PCDHGB1: variants seen among roughly 807,000 people sequenced by gnomAD.
The protein encoded by PCDHGB1 is protocadherin gamma-B1.
In PCDHGB1, 34 loss-of-function variants were observed where a neutral mutation model predicts 56.6. The ratio of observed to expected loss-of-function variants is 0.60; its 90% CI spans 0.46 to 0.80. The LOEUF is 0.80. Ranked by LOEUF, PCDHGB1 falls within the 30% of genes least tolerant of loss-of-function variation. The pLI is 0.00. For synonymous variants in PCDHGB1, 561 were observed against 505.9 expected (o/e 1.11, Z -1.46); for missense variants, 1,278 against 1,204.6 (o/e 1.06, Z -0.90).
chr5:141,489,040 C>G lies in PCDHGB1; in HGVS notation c.2410-5767C>G. On this transcript the variant is annotated intron_variant, in intron 1 of 3. Coordinates refer to ENST00000523390, the MANE Select transcript of PCDHGB1 (RefSeq NM_018922.3). This position sits in a 1 kb window ranked among gnomAD's most constrained non-coding sequence, Gnocchi z 4.5. ...CCTCTCCTCCTCCAGCTCCCCAGCT[C>G]CACTCAAATTCAGCTCCCCTCCCCC... 1 of 479,752 alleles carries G rather than the reference C, an allele frequency of 2.1e-6. No homozygotes were observed. The highest frequency in any genetic ancestry group is 3.6e-6 in the Non-Finnish European group (1 of 274,204). 29.7% of individuals were successfully genotyped at this position (479,752 alleles called of 1,614,324 possible). A position where few individuals can be genotyped will look rare whatever the true frequency, so the allele number is the denominator to read the frequency against.
At chr5:141,360,543 T>G (rs369225043) in intron 1 of PCDHGB1, 4 of 1,613,952 alleles carry the variant, frequency 2.5e-6, no homozygotes, top group Non-Finnish European at 3.4e-6. Flanking sequence ...TCAAACAGAC[T>G]AAGATTAATT....
intron 1 of PCDHGB1, chr5:141,411,291 C>G (rs2095478163): frequency 6.6e-6 from 1 of 152,158 alleles, no homozygotes; most frequent in South Asian, 2.1e-4. Context: ...ATTCAGAAGA[C>G]AGGCCCAGTG....
At chr5:141,488,331 T>C (rs535498873) in intron 1 of PCDHGB1, among the ~76,000 whole-genome samples, 22 of 152,218 alleles carry the variant, frequency 1.4e-4, no homozygotes, top group Non-Finnish European at 3.1e-4. Context: ...TACAGTTGGC[T>C]GATTCATAGA....
rs754547223 is a variant in PCDHGB1 at position 141,511,148 on chromosome 5, AGTC to A, written c.2761_2763del (p.Ser921del). The A allele has an allele frequency of 7.4e-6, 12 of 1,614,202 alleles. No individual in the cohort carries two copies. The highest frequency in any genetic ancestry group is 1.0e-5 in the Non-Finnish European group (12 of 1,180,016). ...GCAGGTGGCAATGGCAACAAGAAGA[AGTC>A]GGGCAAGAAGGAGAAGAAGTAACAT... On this transcript the variant is annotated inframe_deletion, in exon 4 of 4. Coordinates refer to ENST00000523390, the MANE Select transcript of PCDHGB1 (RefSeq NM_018922.3).
At chr5:141,406,371 C>T (rs893677721) in intron 1 of PCDHGB1, among the ~76,000 whole-genome samples, 1 of 152,154 alleles carries the variant, frequency 6.6e-6, no homozygotes, top group African/African-American at 2.4e-5. Context: ...TAAGGGTAAA[C>T]TGATAAAAAG....
intron 1 of PCDHGB1, chr5:141,433,123 C>G (rs575738328): frequency 3.7e-6 from 6 of 1,614,116 alleles, no homozygotes; most frequent in Non-Finnish European, 5.1e-6. Context: ...TTGAAAAAAG[C>G]GAGCCCCTTT....
intron 1 of PCDHGB1, chr5:141,389,275 C>T (rs976237601): frequency 7.4e-6 from 12 of 1,614,004 alleles, no homozygotes; most frequent in Admixed American, 1.7e-5. Context: ...GAGAACAACC[C>T]GCCTGGAGCC....
At chr5:141,380,168 G>T (rs1204513654) in intron 1 of PCDHGB1, among the ~76,000 whole-genome samples, 1 of 152,074 alleles carries the variant, frequency 6.6e-6, no homozygotes, top group Non-Finnish European at 1.5e-5. Flanking sequence ...TCAAAGGGCT[G>T]GGATTACAGG....
At chr5:141,412,100 C>G (rs1041242156) in intron 1 of PCDHGB1, 2 of 152,180 alleles carry the variant, frequency 1.3e-5, no homozygotes, top group Non-Finnish European at 2.9e-5. Context: ...TGGGCACACA[C>G]AGTTGAAGAT....
At chr5:141,498,264 C>A (rs1272117057) in intron 2 of PCDHGB1, among the ~76,000 whole-genome samples, 2 of 152,016 alleles carry the variant, frequency 1.3e-5, no homozygotes, top group Admixed American at 1.3e-4. Context: ...GTGTTGAGTT[C>A]TTCAGTAAAC....
intron 1 of PCDHGB1, chr5:141,388,406 C>T (rs770065402): frequency 1.9e-6 from 3 of 1,613,842 alleles, no homozygotes; most frequent in Non-Finnish European, 2.5e-6. Context: ...AACTCAGTCC[C>T]AGTGATCATT....
At chr5:141,506,898 T>C (rs2099857040) in intron 3 of PCDHGB1, among the ~76,000 whole-genome samples, 1 of 152,260 alleles carries the variant, frequency 6.6e-6, no homozygotes, top group East Asian at 1.9e-4. Context: ...AGAAGCACTG[T>C]CATCACACCT....
At chr5:141,464,443 T>G (rs903733972) in intron 1 of PCDHGB1, among the ~76,000 whole-genome samples, 1 of 151,634 alleles carries the variant, frequency 6.6e-6, no homozygotes, top group African/African-American at 2.4e-5. Context: ...ATGTTTGTTG[T>G]TGTTGTTGTT....
At chr5:141,415,467 C>T (rs754252558) in intron 1 of PCDHGB1, 2 of 1,614,080 alleles carry the variant, frequency 1.2e-6, no homozygotes, top group African/African-American at 1.3e-5. Context: ...TCTCTCTCAC[C>T]GCGGACTCGC....
chr5:141,419,220 A>G (rs2096345873), intron 1 of PCDHGB1: 1 of 1,613,966 alleles, frequency 6.2e-7, no homozygotes, highest in Non-Finnish European at 8.5e-7. Context: ...GTTTTCGGAC[A>G]GTCAGCCTAC....
intron 1 of PCDHGB1, among the ~76,000 whole-genome samples, chr5:141,462,399 T>C (rs2099038838): frequency 6.6e-6 from 1 of 152,236 alleles, no homozygotes; most frequent in South Asian, 2.1e-4. Flanking sequence ...ATTTCTTTTA[T>C]GGCACAGAAT....
At chr5:141,373,221 T>C (rs1295527389) in intron 1 of PCDHGB1, among the ~76,000 whole-genome samples, 1 of 152,268 alleles carries the variant, frequency 6.6e-6, no homozygotes, top group Non-Finnish European at 1.5e-5. Flanking sequence ...TAATGTAACC[T>C]GTATATAATA....
intron 1 of PCDHGB1, chr5:141,395,958 A>G (rs1224647324): frequency 6.6e-6 from 1 of 152,208 alleles, no homozygotes; most frequent in Admixed American, 6.5e-5. Context: ...ACAAAAAACA[A>G]AAGCAAAAAC....
Position 141,351,019 on chromosome 5 carries a change from G to T in PCDHGB1, c.759G>T (p.Pro253=), listed in dbSNP as rs777583740. The T allele has an allele frequency of 8.1e-6, 13 of 1,613,954 alleles. No homozygotes were observed. The Admixed American group carries it at 1.2e-4, about 14-fold the overall frequency. The part of the protein sequence containing the change: ...VYRVSLQENV[P]WGTSVLRVMA... ...GGGTTAGCCTCCAAGAAAACGTACC[G>T]TGGGGAACCTCCGTGCTGCGGGTGA... Residue 253 remains proline (P), a synonymous_variant, in exon 1 of 4, where the codon CCG becomes CCT. Coordinates refer to ENST00000523390, the MANE Select transcript of PCDHGB1 (RefSeq NM_018922.3).
Sources: gnomAD v4.1 joint callset for allele counts (sites outside exome capture counted in the v4.1 genomes callset) on GRCh38, gnomAD v4.1.1 for gene constraint, Gnocchi (gnomAD v3.1) non-coding constraint, MANE v1.5 for transcripts, NCBI Gene and HGNC (gene_info 2026-07-23, HGNC 2026-07-21) for gene names.